CELF2: variants seen among roughly 807,000 people sequenced by gnomAD.
CELF2 encodes the protein CUG triplet repeat RNA-binding protein 2.
A neutral mutation model predicts 62.6 loss-of-function variants in CELF2; 8 were observed. The ratio of observed to expected loss-of-function variants is 0.13; its 90% CI spans 0.07 to 0.23. CELF2 has a LOEUF of 0.23. CELF2 is among the 10% of genes least tolerant of loss of function. CELF2 has a pLI of 1.00. For missense variants in CELF2, 333 were observed against 671.0 expected (o/e 0.50, Z 5.56); for synonymous variants, 258 against 250.0 (o/e 1.03, Z -0.30).
chr10:10,834,938 G>A lies in CELF2; in HGVS notation c.53+36121G>A, dbSNP rs577605696. 7.2e-5 allele frequency among the ~76,000 whole-genome samples: 11 copies of A among 152,196 alleles called. No homozygotes were observed. The East Asian group carries it at 9.7e-4, about 13-fold the overall frequency. On this transcript the variant is annotated intron_variant, in intron 1 of 13. Coordinates refer to the CELF2 transcript ENST00000636488. Reference sequence around the variant, plus strand: ...GGCTCCACACCTTTGAACCATCTTTGTTCCCTCTCCTTTCTTATCAAAGCA... The same window carrying A: ...GGCTCCACACCTTTGAACCATCTTTATTCCCTCTCCTTTCTTATCAAAGCA...
At chr10:11,023,125 A>G (rs1342839863) in intron 1 of CELF2, among the ~76,000 whole-genome samples, 1 of 152,140 alleles carries the variant, frequency 6.6e-6, no homozygotes, top group South Asian at 2.1e-4. Flanking sequence ...TTTTCGGATT[A>G]GGCCATCACA....
the CELF2 span, among the ~76,000 whole-genome samples, chr10:10,582,923 A>G: frequency 1.3e-5 from 2 of 152,324 alleles, no homozygotes; most frequent in East Asian, 3.9e-4. Flanking sequence ...ATTCAAGGGC[A>G]GTCAACTCAC....
chr10:10,590,937 A>C, the CELF2 span, among the ~76,000 whole-genome samples: 1 of 152,194 alleles, frequency 6.6e-6, no homozygotes, highest in African/African-American at 2.4e-5. Flanking sequence ...AGATGAATAA[A>C]ATTGTCTATC....
intron 9 of CELF2, among the ~76,000 whole-genome samples, chr10:11,312,691 T>G (rs2094630584): frequency 6.6e-6 from 1 of 152,186 alleles, no homozygotes; most frequent in South Asian, 2.1e-4. Flanking sequence ...ATCCCAGCAC[T>G]TTGGGAGGCC....
chr10:10,651,509 C>T, the CELF2 span, among the ~76,000 whole-genome samples: 51 of 121,904 alleles, frequency 4.2e-4, 1 homozygote, highest in African/African-American at 7.8e-4. Context: ...TCTCCCAGCA[C>T]GCAGCTGGAG....
At chr10:10,470,271 T>C in the CELF2 span, among the ~76,000 whole-genome samples, 1 of 151,886 alleles carries the variant, frequency 6.6e-6, no homozygotes, top group African/African-American at 2.4e-5. Context: ...TTGTGTCTTC[T>C]ACCCCTTTTT....
the CELF2 span, among the ~76,000 whole-genome samples, chr10:10,632,802 G>A: frequency 6.6e-6 from 1 of 151,970 alleles, no homozygotes; most frequent in Non-Finnish European, 1.5e-5. Flanking sequence ...CCTATCCCTG[G>A]AGGCAATGGT....
At chr10:10,671,231 C>A in the CELF2 span, among the ~76,000 whole-genome samples, 673 of 150,276 alleles carry the variant, frequency 4.5e-3, 5 homozygotes, top group African/African-American at 0.016. Flanking sequence ...GAATTAGGCA[C>A]CTAAATTTTC....
chr10:10,578,231 G>C, the CELF2 span, among the ~76,000 whole-genome samples: 1 of 150,770 alleles, frequency 6.6e-6, no homozygotes. Flanking sequence ...TTGTAAATTT[G>C]TTTGAGTTCA....
the CELF2 span, among the ~76,000 whole-genome samples, chr10:10,550,702 T>A: frequency 2.1e-5 from 3 of 142,922 alleles, no homozygotes; most frequent in South Asian, 4.7e-4. Context: ...ATGTGATGTC[T>A]TTTTTTTTTT....
At chr10:11,275,819 C>T (rs534565821) in intron 8 of CELF2, among the ~76,000 whole-genome samples, 2 of 152,182 alleles carry the variant, frequency 1.3e-5, no homozygotes, top group African/African-American at 2.4e-5. Flanking sequence ...TGCCACCTTC[C>T]GTGCCGATTT....
At chr10:10,736,565 TTTTG>T in the CELF2 span, among the ~76,000 whole-genome samples, 6 of 151,978 alleles carry the variant, frequency 3.9e-5, no homozygotes, top group East Asian at 1.9e-4. Context: ...CGTTGGGAAT[TTTTG>T]TTTGTTTGTT....
At chr10:10,777,014 G>A in the CELF2 span, among the ~76,000 whole-genome samples, 2 of 152,246 alleles carry the variant, frequency 1.3e-5, no homozygotes, top group Admixed American at 1.3e-4. Context: ...GGAGTTCCAT[G>A]GTCTCCATCT....
At chr10:11,066,892 G>A (rs2068319439) in intron 1 of CELF2, among the ~76,000 whole-genome samples, 1 of 152,150 alleles carries the variant, frequency 6.6e-6, no homozygotes, top group South Asian at 2.1e-4. Context: ...CCTTCCCCCT[G>A]AGACCGCTGG....
the CELF2 span, among the ~76,000 whole-genome samples, chr10:10,749,328 A>G: frequency 6.6e-6 from 1 of 152,170 alleles, no homozygotes; most frequent in African/African-American, 2.4e-5. Flanking sequence ...TACTCCCTCT[A>G]TAATAAATAG....
At chr10:10,598,582 G>A in the CELF2 span, among the ~76,000 whole-genome samples, 5 of 151,988 alleles carry the variant, frequency 3.3e-5, no homozygotes, top group Non-Finnish European at 5.9e-5. Context: ...TATGCATGTC[G>A]TTATGAAGCT....
At chr10:10,621,116 C>T in the CELF2 span, among the ~76,000 whole-genome samples, 3 of 141,098 alleles carry the variant, frequency 2.1e-5, no homozygotes, top group South Asian at 2.3e-4. Context: ...TGGTGGCGGG[C>T]GCCTGTAGTC....
At chr10:10,532,213 T>C in the CELF2 span, among the ~76,000 whole-genome samples, 1 of 152,260 alleles carries the variant, frequency 6.6e-6, no homozygotes, top group Non-Finnish European at 1.5e-5. Context: ...TTGACGCTAC[T>C]GTAAAACTCC....
At chr10:10,908,214 A>AATTTTTTTTT (rs2063501269) in intron 1 of CELF2, among the ~76,000 whole-genome samples, 2 of 83,738 alleles carry the variant, frequency 2.4e-5, no homozygotes. Context: ...GTATGAGGGG[A>AATTTTTTTTT]TTTTTTTTTT....
Sources: allele counts gnomAD v4.1 joint callset (sites outside exome capture counted in the v4.1 genomes callset), GRCh38; gene constraint gnomAD v4.1.1; transcripts MANE v1.5; gene names NCBI Gene and HGNC (gene_info 2026-07-23, HGNC 2026-07-21).